PTPRA: variants seen among roughly 807,000 people sequenced by gnomAD.
PTPRA encodes the protein receptor-type tyrosine-protein phosphatase alpha.
A neutral mutation model predicts 104.8 loss-of-function variants in PTPRA; 25 were observed. The observed-to-expected ratio is 0.24, with a 90% CI of 0.17 to 0.33. The LOEUF (loss-of-function observed/expected upper bound fraction) is 0.33, where lower values mean the gene tolerates loss of function less well. PTPRA is among the 10% of genes least tolerant of loss of function. The probability of loss-of-function intolerance (pLI) is 1.00; values close to 1 mark genes in which losing one functional copy is unlikely to be tolerated. For synonymous variants in PTPRA, 323 were observed against 368.9 expected, an observed-to-expected ratio of 0.88 and a Z score of 1.43; for missense variants, 765 against 1,015.3, an observed-to-expected ratio of 0.75 and a Z score of 3.35.
intron 9 of PTPRA, among the ~76,000 whole-genome samples, chr20:2,998,776 AG>A (rs1192144105): frequency 6.6e-6 from 1 of 152,174 alleles, no homozygotes; most frequent in African/African-American, 2.4e-5. Context: ...AGGCAAGAAA[AG>A]AAAGGTATAA....
At chr20:2,876,262 T>C (rs2089710985) in intron 1 of PTPRA, among the ~76,000 whole-genome samples, 1 of 152,088 alleles carries the variant, frequency 6.6e-6, no homozygotes, top group Non-Finnish European at 1.5e-5. Context: ...AGAGAAAAAT[T>C]CAAAAGTTCT....
chr20:3,003,441 C>A (rs2063723955), intron 9 of PTPRA, among the ~76,000 whole-genome samples: 1 of 152,072 alleles, frequency 6.6e-6, no homozygotes, highest in Non-Finnish European at 1.5e-5. Flanking sequence ...AGTTGCTAGG[C>A]CAAAAAGTAT....
At chr20:2,995,288 T>C (rs1375557599) in intron 9 of PTPRA, among the ~76,000 whole-genome samples, 4 of 152,224 alleles carry the variant, frequency 2.6e-5, no homozygotes, top group Non-Finnish European at 4.4e-5. Context: ...CTTTACTTTT[T>C]TTCCCCCGCT....
chr20:3,024,014 G>A (rs1313619713), intron 16 of PTPRA, among the ~76,000 whole-genome samples: 1 of 152,192 alleles, frequency 6.6e-6, no homozygotes, highest in Non-Finnish European at 1.5e-5. Flanking sequence ...TCAAAGATTA[G>A]GGAACAGGCA....
intron 3 of PTPRA, among the ~76,000 whole-genome samples, chr20:2,952,944 A>G (rs1185139204): frequency 1.3e-5 from 2 of 152,156 alleles, no homozygotes; most frequent in African/African-American, 4.8e-5. Context: ...CATTTTATCC[A>G]TTCATCTGTT....
rs2065783393 is a variant in PTPRA, at chr20:3,035,991, G to C, written c.2198+50G>C. On this transcript the variant is annotated intron_variant, in intron 22 of 23. Transcript: ENST00000399903. This position sits in a 1 kb window ranked among gnomAD's most constrained non-coding sequence, Gnocchi z 5.8. ...GGGAGAGAGAAAGCGAGGAGGGGCA[G>C]ATAGGGGAAGCTGATGACCATGGGT... 6.2e-7 allele frequency: 1 copy of C among 1,610,140 alleles called. No homozygotes were observed. The highest frequency in any genetic ancestry group is 8.5e-7 in the Non-Finnish European group (1 of 1,178,670).
rs549605265 is a variant in PTPRA at position 2,889,597 on chromosome 20, A to G, written c.-129+15837A>G. ...GTACTACTAGTACCATGAGTTTGAT[A>G]TACCATACCTCATTTTATTGCTCAT... On this transcript the variant is annotated intron_variant, in intron 1 of 23. Coordinates refer to ENST00000399903, the MANE Select transcript of PTPRA (RefSeq NM_001385305.1). Among the ~76,000 whole-genome samples the G allele has an allele frequency of 4.6e-5, 7 of 152,366 alleles. No homozygotes were observed. The South Asian group carries it at 1.2e-3, about 27-fold the overall frequency.
rs1741731 is a variant in PTPRA, at chr20:2,950,124, A to G, written c.-7+2100A>G. On this transcript the variant is annotated intron_variant, in intron 3 of 23. Coordinates refer to ENST00000399903, the MANE Select transcript of PTPRA (RefSeq NM_001385305.1). The surrounding 1 kb of genome is among the most constrained non-coding windows in gnomAD (Gnocchi z 4.0). ...ACTAGTCACTCTTGTTTTCTCACCTATAATAGCATCTGGGTCCAGTGTTTT... is the reference window on the plus strand; with the variant it reads ...ACTAGTCACTCTTGTTTTCTCACCTGTAATAGCATCTGGGTCCAGTGTTTT... 0.19 allele frequency among the ~76,000 whole-genome samples: 28,145 copies of G among 151,962 alleles called. 3,907 individuals are homozygous for G. The highest frequency in any genetic ancestry group is 0.39 in the African/African-American group (16,009 of 41,412).
chr20:2,988,580 T>A, intron 9 of PTPRA, 106 bp downstream of exon 9: 1 of 1,446,210 alleles, frequency 6.9e-7, no homozygotes, highest in Non-Finnish European at 9.3e-7. Context: ...CTTTTAATGT[T>A]TAAGAGGTGA....
chr20:2,945,592 T>A (rs1270620989), intron 2 of PTPRA, among the ~76,000 whole-genome samples: 1 of 149,910 alleles, frequency 6.7e-6, no homozygotes, highest in Non-Finnish European at 1.5e-5. Flanking sequence ...GGTGTGTGTG[T>A]GTGTGTGTGT....
At chr20:3,032,327 A>G (rs2065499885) in intron 20 of PTPRA, among the ~76,000 whole-genome samples, 1 of 152,116 alleles carries the variant, frequency 6.6e-6, no homozygotes. Context: ...CACCTCCATC[A>G]GCAGTTCCCC....
rs933291761 is a variant in PTPRA at position 3,035,104 on chromosome 20, G to C, written c.1921-481G>C. Among the ~76,000 whole-genome samples the C allele has an allele frequency of 3.3e-5, 5 of 152,312 alleles. No homozygotes were observed. The highest frequency in any genetic ancestry group is 6.5e-5 in the Admixed American group (1 of 15,306). ...ACAGAAAGGCGAGTGCTAGCAACTT[G>C]AAGGTACCTTGCAGATCAAAGAGAT... On this transcript the variant is annotated intron_variant, in intron 20 of 23. Transcript: ENST00000399903. This position sits in a 1 kb window ranked among gnomAD's most constrained non-coding sequence, Gnocchi z 5.8.
chr20:2,892,451 G>C (rs2058836815), intron 1 of PTPRA, among the ~76,000 whole-genome samples: 1 of 152,128 alleles, frequency 6.6e-6, no homozygotes, highest in Admixed American at 6.6e-5. Context: ...AGTAGAAATT[G>C]TACTTCCAAT....
At chr20:2,935,724 G>A (rs899726253) in intron 2 of PTPRA, among the ~76,000 whole-genome samples, 1 of 152,146 alleles carries the variant, frequency 6.6e-6, no homozygotes, top group African/African-American at 2.4e-5. Flanking sequence ...TTTAAAAATT[G>A]TTTGTAGAGT....
intron 9 of PTPRA, among the ~76,000 whole-genome samples, chr20:2,988,735 A>T (rs926539840): frequency 6.6e-6 from 1 of 152,228 alleles, no homozygotes; most frequent in Non-Finnish European, 1.5e-5. Flanking sequence ...CTTAGCAAGC[A>T]TCTAATATTT....
chr20:2,976,877 G>C (rs888516325), intron 6 of PTPRA, among the ~76,000 whole-genome samples: 1 of 152,238 alleles, frequency 6.6e-6, no homozygotes, highest in Admixed American at 6.5e-5. Context: ...TTGAACAGTA[G>C]TGTCTGATGT....
In PTPRA at chr20:2,951,407, G is replaced by A. The variant is rs76672576; in HGVS notation, c.-7+3383G>A. On this transcript the variant is annotated intron_variant, in intron 3 of 23. Coordinates refer to ENST00000399903, the MANE Select transcript of PTPRA (RefSeq NM_001385305.1). Reference sequence around the variant, plus strand: ...GAGCCACTGCGCCCAGCAACTATGTGTTTCTGATCCTTTGTCAGGGCTAGC... The same window carrying A: ...GAGCCACTGCGCCCAGCAACTATGTATTTCTGATCCTTTGTCAGGGCTAGC... 8.8e-3 allele frequency among the ~76,000 whole-genome samples: 1,347 copies of A among 152,224 alleles called. 22 individuals are homozygous for A. Among genetic ancestry groups the A allele is most frequent in the African/African-American group, 0.031 (1,293 of 41,542 alleles).
chr20:2,981,887 T>C (rs748574931), intron 6 of PTPRA, among the ~76,000 whole-genome samples: 2 of 152,160 alleles, frequency 1.3e-5, no homozygotes, highest in African/African-American at 4.8e-5. Context: ...GGACATCGAG[T>C]CTGGTCTGTT....
chr20:2,922,703 T>C (rs1031211169), intron 1 of PTPRA, among the ~76,000 whole-genome samples: 2 of 151,524 alleles, frequency 1.3e-5, no homozygotes, highest in Admixed American at 6.6e-5. Context: ...AGTGGCGCGA[T>C]CTGGGCTCAC....
Sources: allele counts gnomAD v4.1 joint callset (sites outside exome capture counted in the v4.1 genomes callset), GRCh38; gene constraint gnomAD v4.1.1; non-coding constraint Gnocchi (gnomAD v3.1); transcripts MANE v1.5; gene names NCBI Gene and HGNC (gene_info 2026-07-23, HGNC 2026-07-21).